The following RIMBP2 variants were observed in gnomAD, a reference collection of about 807,000 sequenced individuals.
RIMBP2 encodes the protein RIMS binding protein 2, also known as RIMS-binding protein 2.
A neutral mutation model predicts 118.6 loss-of-function variants in RIMBP2; 48 were observed. That is an observed-to-expected ratio of 0.40 (90% CI 0.32 to 0.51). The LOEUF (loss-of-function observed/expected upper bound fraction) is 0.51. Among genes scored for constraint, RIMBP2 ranks in the 20% least tolerant of loss-of-function variants. The pLI, the probability that RIMBP2 is intolerant of heterozygous loss-of-function variation, is 0.41. For synonymous variants in RIMBP2, 762 were observed against 742.9 expected (o/e 1.03, Z -0.42); for missense variants, 1,551 against 1,768.3 (o/e 0.88, Z 2.20).
intron 2 of RIMBP2, among the ~76,000 whole-genome samples, chr12:130,606,925 G>A (rs530913527): frequency 5.9e-5 from 9 of 152,250 alleles, no homozygotes; most frequent in South Asian, 2.1e-4. Context: ...TCCGCCTCCC[G>A]GGTTCAAGCA....
chr12:130,487,269 T>C (rs1439817215), intron 4 of RIMBP2, among the ~76,000 whole-genome samples: 2 of 152,142 alleles, frequency 1.3e-5, no homozygotes, highest in African/African-American at 2.4e-5. Context: ...AAACCTCAGG[T>C]TGAAATGTGA....
intron 7 of RIMBP2, among the ~76,000 whole-genome samples, chr12:130,452,560 C>A (rs2079088906): frequency 1.3e-5 from 2 of 152,258 alleles, no homozygotes; most frequent in Admixed American, 1.3e-4. Context: ...GAGCCTGCTG[C>A]AGGCTACTCC....
chr12:130,450,646 A>G lies in RIMBP2; in HGVS notation c.505-370T>C, dbSNP rs2078923140. On this transcript the variant is annotated intron_variant, in intron 8 of 22. Transcript: ENST00000690449. This position sits in a 1 kb window ranked among gnomAD's most constrained non-coding sequence, Gnocchi z 4.8. ...GCAGTATGTGCACGACCCCCCAGTG[A>G]TCCCACTCTCACTCCCCCTAGTGCA... 7.0e-6 allele frequency among the ~76,000 whole-genome samples: 1 copy of G among 141,864 alleles called. No homozygotes were observed. Among genetic ancestry groups the G allele is most frequent in the Non-Finnish European group, 1.5e-5 (1 of 65,320 alleles). 93.1% of individuals were successfully genotyped at this position (141,864 alleles called of 152,430 possible). A position where few individuals can be genotyped will look rare whatever the true frequency, so the allele number is the denominator to read the frequency against.
intron 11 of RIMBP2, among the ~76,000 whole-genome samples, chr12:130,440,616 G>A (rs1456356662): frequency 3.9e-5 from 6 of 152,290 alleles, no homozygotes; most frequent in South Asian, 2.1e-4. Context: ...CTTCACCCCC[G>A]CACTCATCAG....
chr12:130,438,334 A>AGGGCCCCCCCC, intron 12 of RIMBP2, 31 bp downstream of exon 12: 1 of 1,344,518 alleles, frequency 7.4e-7, no homozygotes, highest in Non-Finnish European at 1.1e-6. Context: ...GGGCCTAACA[A>AGGGCCCCCCCC]ACCCTCCCCA....
At chr12:130,659,287 G>A (rs1222232409) in intron 1 of RIMBP2, among the ~76,000 whole-genome samples, 5 of 151,614 alleles carry the variant, frequency 3.3e-5, no homozygotes, top group African/African-American at 1.2e-4. Flanking sequence ...AATTATTAAT[G>A]TCGGCCGGGT....
chr12:130,522,942 C>T (rs958502002), intron 2 of RIMBP2, among the ~76,000 whole-genome samples: 6 of 152,144 alleles, frequency 3.9e-5, no homozygotes, highest in East Asian at 3.9e-4. Flanking sequence ...ATCTCGGTCT[C>T]GCTGCCTGCC....
At chr12:130,480,866 G>A (rs914130774) in intron 4 of RIMBP2, among the ~76,000 whole-genome samples, 7 of 152,328 alleles carry the variant, frequency 4.6e-5, no homozygotes, top group South Asian at 4.1e-4. Context: ...CTCCCAAAGT[G>A]CTGGGATTAC....
At chr12:130,457,617 G>A (rs766226976) in intron 6 of RIMBP2, among the ~76,000 whole-genome samples, 8 of 152,200 alleles carry the variant, frequency 5.3e-5, no homozygotes, top group East Asian at 1.9e-4. Flanking sequence ...TTCTCACCCC[G>A]CGTTCCTTTC....
chr12:130,399,323 A>G (rs577004751), intron 22 of RIMBP2, among the ~76,000 whole-genome samples: 2 of 152,294 alleles, frequency 1.3e-5, no homozygotes, highest in African/African-American at 2.4e-5. Flanking sequence ...TGAAGAGACT[A>G]AAGTCCTAAC....
chr12:130,401,721 A>G (rs1215012694), intron 21 of RIMBP2, among the ~76,000 whole-genome samples: 1 of 151,996 alleles, frequency 6.6e-6, no homozygotes, highest in Non-Finnish European at 1.5e-5. Context: ...AGGGTTTTTA[A>G]TAACATCTAA....
intron 2 of RIMBP2, among the ~76,000 whole-genome samples, chr12:130,602,825 G>A (rs1404287123): frequency 6.6e-6 from 1 of 152,114 alleles, no homozygotes; most frequent in African/African-American, 2.4e-5. Flanking sequence ...ACAGAGAAGT[G>A]TTATTTTGGC....
Position 130,424,527 on chromosome 12 carries a change from C to T in RIMBP2, c.2744G>A (p.Arg915Gln), listed in dbSNP as rs537141816. ...RGCRFSRSATRSPDSGLDCGS... is the reference protein window; with the variant it reads ...RGCRFSRSATQSPDSGLDCGS... ...ACAGTCCAGGCCGCTGTCCGGGCTC[C>T]GGGTGGCCGAGCGGCTGAACCGACA... Residue 915 changes from arginine (R) to glutamine (Q), a missense_variant, in exon 16 of 23, where the codon CGG (arginine) becomes CAG (glutamine). Arg to Gln is a conservative substitution (Grantham distance 43). This residue lies in a region of RIMBP2 where 1,038 missense variants were observed against 1,125.1 expected (regional missense o/e 0.92). Coordinates refer to ENST00000690449, the MANE Select transcript of RIMBP2 (RefSeq NM_001393629.1). The surrounding 1 kb of genome is among the most constrained non-coding windows in gnomAD (Gnocchi z 9.8). The T allele has an allele frequency of 8.2e-5, 101 of 1,231,994 alleles. No individual in the cohort carries two copies. Among genetic ancestry groups the T allele is most frequent in the Non-Finnish European group, 9.3e-5 (92 of 987,854 alleles). 76.3% of individuals were successfully genotyped at this position (1,231,994 alleles called of 1,614,324 possible). A position where few individuals can be genotyped will look rare whatever the true frequency, so the allele number is the denominator to read the frequency against.
chr12:130,687,636 T>C (rs539105773), intron 1 of RIMBP2, among the ~76,000 whole-genome samples: 2 of 152,266 alleles, frequency 1.3e-5, no homozygotes, highest in South Asian at 4.1e-4. Context: ...AGTTGTACTT[T>C]CAGAATGGAA....
chr12:130,709,413 C>T (rs920073724), intron 1 of RIMBP2, among the ~76,000 whole-genome samples: 8 of 152,238 alleles, frequency 5.3e-5, no homozygotes, highest in Admixed American at 1.3e-4. Flanking sequence ...GGTCTCTGGG[C>T]GTGACGCCCG....
chr12:130,546,165 G>A (rs373082899), intron 2 of RIMBP2, among the ~76,000 whole-genome samples: 3 of 149,104 alleles, frequency 2.0e-5, no homozygotes, highest in South Asian at 2.2e-4. Context: ...GTGCAGTGGC[G>A]CAATCTTGGC....
At chr12:130,514,343 A>G (rs1021784071) in intron 3 of RIMBP2, among the ~76,000 whole-genome samples, 3 of 150,184 alleles carry the variant, frequency 2.0e-5, no homozygotes, top group African/African-American at 7.6e-5. Flanking sequence ...CCTCAAGCAA[A>G]CAAACAAAGT....
chr12:130,654,798 G>GT (rs1306612595), intron 1 of RIMBP2, among the ~76,000 whole-genome samples: 2 of 152,230 alleles, frequency 1.3e-5, no homozygotes, highest in Non-Finnish European at 2.9e-5. Context: ...TCAGCTTCTA[G>GT]TGAGGCCTCA....
intron 1 of RIMBP2, among the ~76,000 whole-genome samples, chr12:130,662,159 A>G (rs1182785908): frequency 3.0e-5 from 2 of 67,214 alleles, no homozygotes; most frequent in Admixed American, 2.9e-4. Context: ...GGGGTCTCCA[A>G]CAAATTCCCT....
Sources: gnomAD v4.1 joint callset for allele counts (sites outside exome capture counted in the v4.1 genomes callset) on GRCh38, gnomAD v4.1.1 for gene constraint, gnomAD v4.1.1 regional missense constraint, Gnocchi (gnomAD v3.1) non-coding constraint, MANE v1.5 for transcripts, NCBI Gene and HGNC (gene_info 2026-07-23, HGNC 2026-07-21) for gene names.